The following SMYD3 variants were observed in gnomAD, a reference collection of about 807,000 sequenced individuals.
SMYD3 encodes histone-lysine N-methyltransferase SMYD3.
A neutral mutation model predicts 57.7 loss-of-function variants in SMYD3; 36 were observed. The observed-to-expected ratio is 0.62, with a 90% CI of 0.48 to 0.82. The LOEUF is 0.82. SMYD3 is among the 40% of genes least tolerant of loss of function. SMYD3 has a pLI of 0.00. For synonymous variants in SMYD3, 211 were observed against 195.0 expected, an observed-to-expected ratio of 1.08 and a Z score of -0.68; for missense variants, 515 against 538.8, an observed-to-expected ratio of 0.96 and a Z score of 0.44.
rs80153697 is a variant in SMYD3 at position 245,776,362 on chromosome 1, C to T, written c.1077-12213G>A. Among the ~76,000 whole-genome samples, 1,198 of 151,544 alleles carry T rather than the reference C, an allele frequency of 7.9e-3. 16 individuals are homozygous for T. The highest frequency in any genetic ancestry group is 0.027 in the African/African-American group (1,094 of 41,282). On this transcript the variant is annotated intron_variant, in intron 10 of 11. Coordinates refer to ENST00000490107, the MANE Select transcript of SMYD3 (RefSeq NM_001167740.2). ...TACATCAGTAAGAAAGGAGCATTGT[C>T]GTTAAAAAAAACCCATACCTTTTCC...
chr1:246,110,918 G>C (rs1185599927), intron 5 of SMYD3, among the ~76,000 whole-genome samples: 1 of 152,058 alleles, frequency 6.6e-6, no homozygotes, highest in East Asian at 1.9e-4. Flanking sequence ...TCATGGTTTA[G>C]GATTTTAGAT....
chr1:246,271,145 T>C (rs1212009), intron 5 of SMYD3, among the ~76,000 whole-genome samples: 11,677 of 152,258 alleles, frequency 0.077, 987 homozygotes, highest in African/African-American at 0.21. Flanking sequence ...TTGCCCATTT[T>C]AAAATCATGT....
At chr1:246,104,642 GA>G (rs148805548) in intron 5 of SMYD3, among the ~76,000 whole-genome samples, 1 of 151,984 alleles carries the variant, frequency 6.6e-6, no homozygotes, top group Admixed American at 6.6e-5. Flanking sequence ...GAAATGGGGG[GA>G]AAAATAACAC....
At position 246,202,714 on chromosome 1, in the gene SMYD3, T is replaced by C. The variant is rs1304461424; in HGVS notation, c.531+124487A>G. On this transcript the variant is annotated intron_variant, in intron 5 of 11. Coordinates refer to ENST00000490107, the MANE Select transcript of SMYD3 (RefSeq NM_001167740.2). The surrounding 1 kb of genome is among the most constrained non-coding windows in gnomAD (Gnocchi z 4.1). ...AAATATACTCCAAATCCTTTTCCAT[T>C]CAATACATTATGATACCTGCTTATG... Among the ~76,000 whole-genome samples, 1 of 152,208 alleles carries C rather than the reference T, an allele frequency of 6.6e-6. No individual in the cohort carries two copies. The highest frequency in any genetic ancestry group is 1.5e-5 in the Non-Finnish European group (1 of 68,030).
At chr1:246,287,323 A>G (rs1015483529) in intron 5 of SMYD3, among the ~76,000 whole-genome samples, 2 of 152,248 alleles carry the variant, frequency 1.3e-5, no homozygotes, top group African/African-American at 4.8e-5. Flanking sequence ...TCAATGAGCT[A>G]AAGATTTCCT....
Position 246,167,525 on chromosome 1 carries a change from T to C in SMYD3, c.531+159676A>G, listed in dbSNP as rs540965282. Among the ~76,000 whole-genome samples the C allele has an allele frequency of 4.6e-5, 7 of 151,554 alleles. No homozygotes were observed. In the East Asian group the frequency reaches 9.7e-4, roughly 21 times the overall value. On this transcript the variant is annotated intron_variant, in intron 5 of 11. Transcript: ENST00000490107. ...CGGTTTTTTTTTCTTTTTTTTTTTT[T>C]TTGAAGACGGAGTCTCGCTCTGTGG...
At chr1:245,942,840 C>T (rs1458879641) in intron 5 of SMYD3, among the ~76,000 whole-genome samples, 1 of 152,160 alleles carries the variant, frequency 6.6e-6, no homozygotes, top group African/African-American at 2.4e-5. Flanking sequence ...TCACTCAAAA[C>T]CACACAACTA....
chr1:246,297,048 G>A (rs2064808686), intron 5 of SMYD3, among the ~76,000 whole-genome samples: 1 of 152,122 alleles, frequency 6.6e-6, no homozygotes, highest in Admixed American at 6.5e-5. Flanking sequence ...AATGATTCAG[G>A]GACATAAATG....
Position 245,919,582 on chromosome 1 carries a change from G to A in SMYD3, c.703-3942C>T, listed in dbSNP as rs116647499. 8.4e-3 allele frequency among the ~76,000 whole-genome samples: 1,274 copies of A among 152,220 alleles called. 18 individuals carry two copies. The highest frequency in any genetic ancestry group is 0.029 in the African/African-American group (1,222 of 41,532). ...GGTTATCAATTGTGAAGTGCTTAATGGCAAAAATATTTTATTCATATTTTT... is the reference window on the plus strand; with the variant it reads ...GGTTATCAATTGTGAAGTGCTTAATAGCAAAAATATTTTATTCATATTTTT... On this transcript the variant is annotated intron_variant, in intron 7 of 11. Coordinates refer to ENST00000490107, the MANE Select transcript of SMYD3 (RefSeq NM_001167740.2).
At chr1:245,907,932 T>G (rs936365151) in intron 8 of SMYD3, among the ~76,000 whole-genome samples, 7 of 151,832 alleles carry the variant, frequency 4.6e-5, no homozygotes, top group Non-Finnish European at 1.5e-5. Flanking sequence ...GGTCAGGAGA[T>G]CGAGACCATC....
intron 5 of SMYD3, among the ~76,000 whole-genome samples, chr1:246,001,511 G>A (rs2148150529): frequency 7.1e-6 from 1 of 141,126 alleles, no homozygotes; most frequent in Middle Eastern, 3.6e-3. Flanking sequence ...TTTTGGAGAT[G>A]GGCCGTTTTT....
chr1:246,051,433 T>A (rs1023697869), intron 5 of SMYD3, among the ~76,000 whole-genome samples: 6 of 152,146 alleles, frequency 3.9e-5, no homozygotes, highest in African/African-American at 1.4e-4. Flanking sequence ...TATTAACTTA[T>A]TTTTTAATAT....
At chr1:245,964,764 C>G (rs1376037854) in intron 5 of SMYD3, among the ~76,000 whole-genome samples, 1 of 144,238 alleles carries the variant, frequency 6.9e-6, no homozygotes, top group African/African-American at 2.6e-5. Context: ...ACAGAAACTT[C>G]TGAAATGAAA....
intron 1 of SMYD3, among the ~76,000 whole-genome samples, chr1:246,412,161 T>G (rs2066986467): frequency 6.6e-6 from 1 of 152,268 alleles, no homozygotes; most frequent in South Asian, 2.1e-4. Flanking sequence ...CTCAGCATCT[T>G]TACCTACTCA....
intron 8 of SMYD3, among the ~76,000 whole-genome samples, chr1:245,905,967 A>G (rs1459145649): frequency 2.6e-5 from 4 of 152,200 alleles, no homozygotes; most frequent in African/African-American, 7.2e-5. Context: ...CTACACCACT[A>G]TCTCTCACCA....
chr1:246,103,605 T>C (rs1034857287), intron 5 of SMYD3, among the ~76,000 whole-genome samples: 2 of 152,316 alleles, frequency 1.3e-5, no homozygotes, highest in African/African-American at 4.8e-5. Flanking sequence ...TTAGACTGTT[T>C]TGACAACCTC....
At position 245,839,416 on chromosome 1, in the gene SMYD3, A is replaced by G. The variant is rs546025722; in HGVS notation, c.1076+19080T>C. Among the ~76,000 whole-genome samples the G allele has an allele frequency of 2.5e-3, 375 of 151,032 alleles. 2 individuals are homozygous for G. Among genetic ancestry groups the G allele is most frequent in the South Asian group, 0.018 (86 of 4,772 alleles). ...GATCTCCTGACCTCGTGATCCGCCC[A>G]CCTCGGCCTCCCAAAGTGCTGGGAT... On this transcript the variant is annotated intron_variant, in intron 10 of 11. Transcript: ENST00000490107.
chr1:246,016,759 C>G (rs1462428903), intron 5 of SMYD3, among the ~76,000 whole-genome samples: 1 of 151,112 alleles, frequency 6.6e-6, no homozygotes, highest in Non-Finnish European at 1.5e-5. Context: ...GCACAGCGAG[C>G]TAACTAAGGT....
At chr1:246,112,310 A>G (rs879885152) in intron 5 of SMYD3, among the ~76,000 whole-genome samples, 2 of 152,222 alleles carry the variant, frequency 1.3e-5, no homozygotes, top group Non-Finnish European at 2.9e-5. Context: ...GCTGTCTCCC[A>G]TAGGATTTCC....
Sources: allele counts gnomAD v4.1 joint callset (sites outside exome capture counted in the v4.1 genomes callset), GRCh38; gene constraint gnomAD v4.1.1; non-coding constraint Gnocchi (gnomAD v3.1); transcripts MANE v1.5; gene names NCBI Gene and HGNC (gene_info 2026-07-23, HGNC 2026-07-21).